BORCS5: variants seen among roughly 807,000 people sequenced by gnomAD.
The protein encoded by BORCS5 is BLOC-1-related complex subunit 5.
A neutral mutation model predicts 22.1 loss-of-function variants in BORCS5; 17 were observed. That is an observed-to-expected ratio of 0.77 (90% CI 0.53 to 1.15). The LOEUF (loss-of-function observed/expected upper bound fraction) is 1.15, where lower values mean the gene tolerates loss of function less well. Among genes scored for constraint, BORCS5 ranks in the 50% most tolerant of loss-of-function variants. BORCS5 has a pLI of 0.00. For missense variants in BORCS5, 247 were observed against 253.2 expected, an observed-to-expected ratio of 0.98 and a Z score of 0.17; for synonymous variants, 117 against 99.8, an observed-to-expected ratio of 1.17 and a Z score of -1.03.
chr12:12,414,131 T>C (rs1456828320), intron 2 of BORCS5, among the ~76,000 whole-genome samples: 21 of 52,180 alleles, frequency 4.0e-4, no homozygotes, highest in South Asian at 2.3e-3. Flanking sequence ...ACCTCCCTCC[T>C]GGACGGGGCG....
At chr12:12,390,425 C>G (rs562968250) in intron 2 of BORCS5, among the ~76,000 whole-genome samples, 2 of 152,102 alleles carry the variant, frequency 1.3e-5, no homozygotes, top group South Asian at 4.2e-4. Context: ...CAGAACATTG[C>G]AAAATGCTTT....
chr12:12,459,043 T>G (rs1211505908), intron 3 of BORCS5, among the ~76,000 whole-genome samples: 1 of 150,050 alleles, frequency 6.7e-6, no homozygotes, highest in Non-Finnish European at 1.5e-5. Context: ...TTAGCAGGCA[T>G]GTGCCACCAG....
intron 3 of BORCS5, among the ~76,000 whole-genome samples, chr12:12,438,951 A>G (rs1004394231): frequency 2.0e-5 from 3 of 152,240 alleles, no homozygotes. Flanking sequence ...CTTCCCCTAA[A>G]GTTAACACTT....
chr12:12,366,797 T>C (rs189902216), intron 2 of BORCS5, among the ~76,000 whole-genome samples: 4 of 152,312 alleles, frequency 2.6e-5, no homozygotes, highest in African/African-American at 9.6e-5. Context: ...GTTACAAAAA[T>C]AATTATTCAC....
rs759750635 is a variant in BORCS5 at position 12,468,010 on chromosome 12, T to A, written c.*2234T>A. On this transcript the variant is annotated 3_prime_UTR_variant, in exon 4 of 4. Transcript: ENST00000314565. ...GGTCTGCAGCCACAAGGATGAAGGT[T>A]TGGGGATGAGAGACCAGCACGGGCT... 5.9e-5 allele frequency: 9 copies of A among 152,200 alleles called. No individual in the cohort carries two copies. Among genetic ancestry groups the A allele is most frequent in the Non-Finnish European group, 1.2e-4 (8 of 68,068 alleles). The allele number at this position is 152,200 out of a possible 1,614,324, so 9.4% of individuals were successfully genotyped here. A position where few individuals can be genotyped will look rare whatever the true frequency, so the allele number is the denominator to read the frequency against.
rs139649448 is a variant in BORCS5, at chr12:12,368,802, T to G, written c.202+7453T>G. Among the ~76,000 whole-genome samples the G allele has an allele frequency of 1.5e-3, 223 of 152,118 alleles. 3 individuals are homozygous for G. The highest frequency in any genetic ancestry group is 5.2e-3 in the African/African-American group (216 of 41,528). On this transcript the variant is annotated intron_variant, in intron 2 of 3. Coordinates refer to ENST00000314565, the MANE Select transcript of BORCS5 (RefSeq NM_058169.6). ...TTGCTCTGTTTGTCTATACAGTCGC[T>G]TTAAATTCAGCGTATTCCATCTTCC...
chr12:12,412,333 A>C (rs907880589), intron 2 of BORCS5, among the ~76,000 whole-genome samples: 2 of 151,940 alleles, frequency 1.3e-5, no homozygotes, highest in Middle Eastern at 3.2e-3. Flanking sequence ...CAAGTCTTTC[A>C]TCTCCTTGGT....
intron 2 of BORCS5, among the ~76,000 whole-genome samples, chr12:12,370,191 T>G (rs1176103709): frequency 6.6e-6 from 1 of 152,086 alleles, no homozygotes; most frequent in Non-Finnish European, 1.5e-5. Flanking sequence ...AATAACTATA[T>G]ATAGAATGTG....
chr12:12,415,685 G>A (rs1367243661), intron 2 of BORCS5, among the ~76,000 whole-genome samples: 1 of 151,492 alleles, frequency 6.6e-6, no homozygotes, highest in Non-Finnish European at 1.5e-5. Context: ...ATCTCACTTG[G>A]TCATGGTGTA....
intron 2 of BORCS5, among the ~76,000 whole-genome samples, chr12:12,409,657 C>A (rs1173165607): frequency 6.6e-6 from 1 of 152,156 alleles, no homozygotes; most frequent in Non-Finnish European, 1.5e-5. Context: ...GGTTCCAAGT[C>A]TTTGCTATTG....
intron 3 of BORCS5, among the ~76,000 whole-genome samples, chr12:12,442,919 G>A (rs1243563292): frequency 2.0e-5 from 3 of 152,182 alleles, no homozygotes; most frequent in Admixed American, 6.5e-5. Flanking sequence ...AGACCCAGCT[G>A]GAGTCATTTT....
rs2136125022 is a variant in BORCS5, at chr12:12,435,713, T to C, written c.288T>C (p.Tyr96=). ...SQQVLQLCLR[Y]QDHLHQCAEA... ...AGGTGTTGCAGCTCTGCCTCCGATA[T>C]CAAGATCACCTGCATCAGTGTGCAG... The change falls in exon 3 of 4, where the codon TAT becomes TAC. Residue 96 remains tyrosine (Y), a synonymous_variant. Transcript: ENST00000314565. 1 of 1,614,092 alleles carries C rather than the reference T, an allele frequency of 6.2e-7. No homozygotes were observed.
chr12:12,357,364 C>A lies in BORCS5; in HGVS notation c.-88C>A. On this transcript the variant is annotated 5_prime_UTR_variant, in exon 1 of 4. Transcript: ENST00000314565. ...CCCAGACTCTGCTTTGCCTCCCCGT[C>A]CCGGTCCCTGGCCCCTGCCCTGTCG... 6.5e-7 allele frequency: 1 copy of A among 1,528,856 alleles called. No individual in the cohort carries two copies. The highest frequency in any genetic ancestry group is 8.8e-7 in the Non-Finnish European group (1 of 1,132,500). The allele number at this position is 1,528,856 out of a possible 1,614,324, so 94.7% of individuals were successfully genotyped here.
intron 2 of BORCS5, among the ~76,000 whole-genome samples, chr12:12,402,448 A>C (rs1228012151): frequency 2.0e-5 from 3 of 152,120 alleles, no homozygotes; most frequent in Non-Finnish European, 4.4e-5. Context: ...TTAGAGGGAA[A>C]TTCTGCCCTA....
chr12:12,373,753 T>G (rs1331918524), intron 2 of BORCS5, among the ~76,000 whole-genome samples: 1 of 152,100 alleles, frequency 6.6e-6, no homozygotes, highest in African/African-American at 2.4e-5. Context: ...TTGCTGCCCT[T>G]TAGGACCTTA....
At chr12:12,400,115 A>G (rs2136071320) in intron 2 of BORCS5, among the ~76,000 whole-genome samples, 1 of 152,330 alleles carries the variant, frequency 6.6e-6, no homozygotes, top group Non-Finnish European at 1.5e-5. Context: ...AAGTTGAAGA[A>G]TGTTTTCCGT....
intron 2 of BORCS5, among the ~76,000 whole-genome samples, chr12:12,407,171 A>G (rs1468826099): frequency 6.6e-6 from 1 of 152,164 alleles, no homozygotes; most frequent in Non-Finnish European, 1.5e-5. Context: ...TCCTTTTTGC[A>G]AATAATTTTG....
chr12:12,444,893 C>T (rs1017543976), intron 3 of BORCS5, among the ~76,000 whole-genome samples: 8 of 152,120 alleles, frequency 5.3e-5, no homozygotes, highest in African/African-American at 1.9e-4. Flanking sequence ...TGTCTTGGGC[C>T]ACACATAAAC....
At chr12:12,361,132 C>G (rs1863274268) in intron 1 of BORCS5, 74 bp from the exon 2 acceptor site, 1 of 1,466,858 alleles carries the variant, frequency 6.8e-7, no homozygotes, top group African/African-American at 1.4e-5. Context: ...TTTTTAATCA[C>G]TACACCAAAA....
Sources: gnomAD v4.1 joint callset for allele counts (sites outside exome capture counted in the v4.1 genomes callset) on GRCh38, gnomAD v4.1.1 for gene constraint, MANE v1.5 for transcripts, NCBI Gene and HGNC (gene_info 2026-07-23, HGNC 2026-07-21) for gene names.